Variants in AP5Z1 observed in about 807,000 individuals in gnomAD.
The protein encoded by AP5Z1 is adaptor related protein complex 5 subunit zeta 1, also known as AP-5 complex subunit zeta-1.
A neutral mutation model predicts 83.0 loss-of-function variants in AP5Z1; 106 were observed. That is an observed-to-expected ratio of 1.28 (90% CI 1.09 to 1.50). AP5Z1 has a LOEUF of 1.50. Among genes scored for constraint, AP5Z1 ranks in the 40% most tolerant of loss-of-function variants. AP5Z1 has a pLI of 0.00. For synonymous variants in AP5Z1, 751 were observed against 514.1 expected (o/e 1.46, Z -6.23); for missense variants, 1,565 against 1,094.2 (o/e 1.43, Z -6.07).
intron 1 of AP5Z1, among the ~76,000 whole-genome samples, chr7:4,779,261 A>G (rs975625463): frequency 6.8e-6 from 1 of 147,448 alleles, no homozygotes; most frequent in Non-Finnish European, 1.5e-5. Flanking sequence ...GAAATAATGT[A>G]TATAACATAA....
chr7:4,780,106 C>A (rs901346263), intron 1 of AP5Z1, among the ~76,000 whole-genome samples: 2 of 152,072 alleles, frequency 1.3e-5, no homozygotes, highest in African/African-American at 4.8e-5. Context: ...CTCAGGGAGT[C>A]CCCAGAGTCC....
rs780356184 is a variant in AP5Z1, at chr7:4,788,246, G to A, written c.1547G>A (p.Gly516Asp). 1 of 1,586,676 alleles carries A rather than the reference G, an allele frequency of 6.3e-7. No homozygotes were observed. Among genetic ancestry groups the A allele is most frequent in the East Asian group, 2.3e-5 (1 of 43,538 alleles). ...LEAFRDPQFQGLFQYLLRPKA... is the reference protein window; with the variant it reads ...LEAFRDPQFQDLFQYLLRPKA... ...GCCTTCCGGGACCCGCAGTTCCAGGGTCTTTTCCAATACCTGCTGCGCCCC... is the reference window on the plus strand; with the variant it reads ...GCCTTCCGGGACCCGCAGTTCCAGGATCTTTTCCAATACCTGCTGCGCCCC... The change falls in exon 12 of 17, where the codon GGT becomes GAT. Residue 516 changes from glycine (G) to aspartate (D), a missense_variant. By Grantham distance (94) the Gly-to-Asp change is moderately conservative. Coordinates refer to ENST00000649063, the MANE Select transcript of AP5Z1 (RefSeq NM_014855.3).
chr7:4,777,780 G>A (rs1279082266), intron 1 of AP5Z1, among the ~76,000 whole-genome samples: 1 of 152,208 alleles, frequency 6.6e-6, no homozygotes, highest in Non-Finnish European at 1.5e-5. Context: ...ATTTCCCTAT[G>A]TAACATACAT....
chr7:4,785,194 T>C, intron 7 of AP5Z1, 146 bp downstream of exon 7: 3 of 1,376,346 alleles, frequency 2.2e-6, no homozygotes, highest in Non-Finnish European at 1.9e-6. Context: ...GCATTTTTGC[T>C]TCTGGGGTCA....
Position 4,781,295 on chromosome 7 carries a change from C to T in AP5Z1, c.162C>T (p.Ala54=), listed in dbSNP as rs762028150. 5.6e-6 allele frequency: 9 copies of T among 1,613,580 alleles called. No homozygotes were observed. The Admixed American group carries it at 1.5e-4, about 27-fold the overall frequency. The change falls in exon 2 of 17, where the codon GCC becomes GCT. Residue 54 remains alanine, a synonymous_variant. Coordinates refer to ENST00000649063, the MANE Select transcript of AP5Z1 (RefSeq NM_014855.3). ...SLQRLFLIIS[A]TKYSRRLEKT... ...AGAGGCTCTTCCTCATCATCTCAGC[C>T]ACGAAGTACAGCCGGAGGTGAGTGT...
Position 4,784,324 on chromosome 7 carries a change from C to G in AP5Z1, c.743C>G (p.Ala248Gly). The G allele has an allele frequency of 6.5e-7, 1 of 1,548,442 alleles. No homozygotes were observed. Among genetic ancestry groups the G allele is most frequent in the Non-Finnish European group, 8.7e-7 (1 of 1,144,552 alleles). Residue 248 changes from alanine to glycine, a missense_variant, in exon 6 of 17, where the codon GCG becomes GGG. Coordinates refer to ENST00000649063, the MANE Select transcript of AP5Z1 (RefSeq NM_014855.3). Reference protein sequence around the residue: ...LNVQAFSMLRAWLLHSGPEGP... With the variant: ...LNVQAFSMLRGWLLHSGPEGP... ...GTGCAGGCCTTCTCTATGCTGCGGG[C>G]GTGGCTGCTGCACAGCGGCCCCGAG...
rs376329631 is a variant in AP5Z1, at chr7:4,786,384, G to A, written c.1267G>A (p.Gly423Arg). 139 of 1,613,878 alleles carry A rather than the reference G, an allele frequency of 8.6e-5. No individual in the cohort carries two copies. The highest frequency in any genetic ancestry group is 4.9e-4 in the Middle Eastern group (3 of 6,062). ...CAGGGACAACCTCCACCTGTTCAGC[G>A]GGCACCTCAGCACCCTCAGATTGAG... is the stretch of plus-strand genomic sequence containing the variant. ...FCRDNLHLFS[G>R]HLSTLRLSFP... The change falls in exon 10 of 17, where the codon GGG (glycine) becomes AGG (arginine). Residue 423 changes from glycine to arginine, a missense_variant. Gly to Arg is a moderately radical substitution (Grantham distance 125). Coordinates refer to ENST00000649063, the MANE Select transcript of AP5Z1 (RefSeq NM_014855.3).
chr7:4,783,222 A>G, intron 3 of AP5Z1, 94 bp from the exon 4 acceptor site: 1 of 1,456,696 alleles, frequency 6.9e-7, no homozygotes, highest in Non-Finnish European at 9.1e-7. Context: ...TCAGCGACCG[A>G]CGCTTCTCAG....
At chr7:4,777,318 A>G (rs1004051110) in intron 1 of AP5Z1, among the ~76,000 whole-genome samples, 7 of 152,090 alleles carry the variant, frequency 4.6e-5, no homozygotes, top group Admixed American at 4.6e-4. Context: ...TCAAGGTCAT[A>G]AACTTGTGAC....
chr7:4,782,855 G>T (rs915712819), intron 3 of AP5Z1, among the ~76,000 whole-genome samples: 1 of 152,188 alleles, frequency 6.6e-6, no homozygotes. Context: ...CGCCCGGCAC[G>T]TGGCCTCCCA....
chr7:4,793,790 G>A lies in AP5Z1; in HGVS notation c.*2405G>A, dbSNP rs866381682. 12 of 154,466 alleles carry A rather than the reference G, an allele frequency of 7.8e-5. No homozygotes were observed. Among genetic ancestry groups the A allele is most frequent in the South Asian group, 2.0e-4 (1 of 4,916 alleles). The allele number at this position is 154,466 out of a possible 1,614,324, so 9.6% of individuals were successfully genotyped here. A position where few individuals can be genotyped will look rare whatever the true frequency, so the allele number is the denominator to read the frequency against. ...CCCCCTCCCCTCCGTGGGTTCCTGC[G>A]CAGTCCGAGCCTCCCCAACGAGTGT... On this transcript the variant is annotated 3_prime_UTR_variant, in exon 17 of 17. Coordinates refer to ENST00000649063, the MANE Select transcript of AP5Z1 (RefSeq NM_014855.3).
rs1781209830 is a variant in AP5Z1, at chr7:4,775,830, G to A, written c.41+74G>A. On this transcript the variant is annotated intron_variant, in intron 1 of 16. Transcript: ENST00000649063. ...GGGCACACGGGGGTGGGTCTCACAG[G>A]GCAGGGGCTTGGGCGCCAGCCTTGC... 1.3e-5 allele frequency: 20 copies of A among 1,562,766 alleles called. No homozygotes were observed. The South Asian group carries it at 2.1e-4, about 16-fold the overall frequency.
intron 14 of AP5Z1, 155 bp from the exon 15 acceptor site, chr7:4,790,304 T>C: frequency 6.5e-7 from 1 of 1,546,344 alleles, no homozygotes; most frequent in Non-Finnish European, 8.7e-7. Flanking sequence ...GAGAACAGTT[T>C]CTCTGAGGCT....
At chr7:4,786,987 G>C (rs1364282682) in intron 10 of AP5Z1, among the ~76,000 whole-genome samples, 1 of 151,922 alleles carries the variant, frequency 6.6e-6, no homozygotes, top group Non-Finnish European at 1.5e-5. Context: ...GGCCAGGCTG[G>C]TCTCGAACTC....
At position 4,788,220 on chromosome 7, in the gene AP5Z1, G is replaced by A. The variant is rs771555660; in HGVS notation, c.1521G>A (p.Glu507=). The A allele has an allele frequency of 2.3e-5, 36 of 1,569,996 alleles. No homozygotes were observed. In the East Asian group the frequency reaches 8.2e-4, roughly 36 times the overall value. The change falls in exon 12 of 17, where the codon GAG becomes GAA. Residue 507 remains glutamate (E), a synonymous_variant. Coordinates refer to ENST00000649063, the MANE Select transcript of AP5Z1 (RefSeq NM_014855.3). The part of the protein sequence containing the change: ...DTSLRAPSCL[E]AFRDPQFQGL... ...CTCTCAGGGCCCCCAGCTGCCTGGAGGCCTTCCGGGACCCGCAGTTCCAGG... is the reference window on the plus strand; with the variant it reads ...CTCTCAGGGCCCCCAGCTGCCTGGAAGCCTTCCGGGACCCGCAGTTCCAGG...
At position 4,781,251 on chromosome 7, in the gene AP5Z1, G is replaced by C; in HGVS notation, c.118G>C (p.Asp40His). 2 of 1,613,874 alleles carry C rather than the reference G, an allele frequency of 1.2e-6. No individual in the cohort carries two copies. The highest frequency in any genetic ancestry group is 1.7e-6 in the Non-Finnish European group (2 of 1,179,844). Reference sequence around the variant, plus strand: ...GCTGCAGGCGGAGGACTTGGGGCCGGACACCCTCGACTCCCTGCAGAGGCT... The same window carrying C: ...GCTGCAGGCGGAGGACTTGGGGCCGCACACCCTCGACTCCCTGCAGAGGCT... The part of the protein sequence containing the change: ...KLLQAEDLGP[D>H]TLDSLQRLFL... Residue 40 changes from aspartate (D) to histidine (H), a missense_variant, in exon 2 of 17, where the codon GAC becomes CAC. Asp to His is a moderately conservative substitution (Grantham distance 81). Coordinates refer to ENST00000649063, the MANE Select transcript of AP5Z1 (RefSeq NM_014855.3).
rs1486564696 is a variant in AP5Z1 at position 4,791,932 on chromosome 7, C to A, written c.*547C>A. On this transcript the variant is annotated 3_prime_UTR_variant, in exon 17 of 17. Coordinates refer to ENST00000649063, the MANE Select transcript of AP5Z1 (RefSeq NM_014855.3). ...AGCCCGGAAGGCAGCGGCGCGAGTT[C>A]CCGGGTGTGGTCACCGCTCTGGGTG... 6.5e-6 allele frequency: 1 copy of A among 153,662 alleles called. No individual in the cohort carries two copies. Among genetic ancestry groups the A allele is most frequent in the Admixed American group, 6.5e-5 (1 of 15,464 alleles). 9.5% of individuals were successfully genotyped at this position (153,662 alleles called of 1,614,324 possible). A position where few individuals can be genotyped will look rare whatever the true frequency, so the allele number is the denominator to read the frequency against.
At position 4,790,826 on chromosome 7, in the gene AP5Z1, G is replaced by A. The variant is rs1170086533; in HGVS notation, c.2092G>A (p.Val698Ile). 1.9e-6 allele frequency: 3 copies of A among 1,609,398 alleles called. No homozygotes were observed. Among genetic ancestry groups the A allele is most frequent in the South Asian group, 2.2e-5 (2 of 90,098 alleles). ...AALPRCPPQV[V>I]TVLMTTLTKL... is the part of the protein sequence containing the mutation. ...CCTGCCCAGGTGTCCCCCCCAGGTG[G>A]TCACCGTGCTGATGACCACGCTGAC... The change falls in exon 16 of 17, where the codon GTC (valine) becomes ATC (isoleucine). Residue 698 changes from valine (V) to isoleucine (I), a missense_variant. Physicochemically the swap from Val to Ile is conservative, Grantham distance 29. Transcript: ENST00000649063.
Position 4,781,211 on chromosome 7 carries a change from C to T in AP5Z1, c.78C>T (p.Ser26=), listed in dbSNP as rs779514549. 1 of 1,613,620 alleles carries T rather than the reference C, an allele frequency of 6.2e-7. No homozygotes were observed. Among genetic ancestry groups the T allele is most frequent in the Non-Finnish European group, 8.5e-7 (1 of 1,179,560 alleles). ...IQDEELKKFC[S]RICKLLQAED... is the part of the protein sequence containing the mutation. The stretch of plus-strand genomic sequence containing the variant: ...ACGAGGAGCTGAAGAAGTTCTGTTC[C>T]CGGATCTGTAAACTGCTGCAGGCGG... The change falls in exon 2 of 17, where the codon TCC becomes TCT. Residue 26 remains serine, a synonymous_variant. Transcript: ENST00000649063.
Sources: allele counts gnomAD v4.1 joint callset (sites outside exome capture counted in the v4.1 genomes callset), GRCh38; gene constraint gnomAD v4.1.1; transcripts MANE v1.5; gene names NCBI Gene and HGNC (gene_info 2026-07-23, HGNC 2026-07-21).